Variants in EZH2 observed in about 807,000 individuals in gnomAD.
EZH2 encodes enhancer of zeste 2 polycomb repressive complex 2 subunit.
A neutral mutation model predicts 98.4 loss-of-function variants in EZH2; 18 were observed. The ratio of observed to expected loss-of-function variants is 0.18; its 90% confidence interval spans 0.13 to 0.27. EZH2 has a LOEUF of 0.27. Ranked by LOEUF, EZH2 falls within the 10% of genes least tolerant of loss-of-function variation. The pLI is 1.00. For synonymous variants in EZH2, 338 were observed against 312.3 expected (o/e 1.08, Z -0.87); for missense variants, 470 against 935.1 (o/e 0.50, Z 6.49).
chr7:148,834,386 T>C (rs1167911371), intron 3 of EZH2, among the ~76,000 whole-genome samples: 2 of 148,168 alleles, frequency 1.3e-5, no homozygotes, highest in East Asian at 3.9e-4. Context: ...CACACACATA[T>C]TAAATGTTTA....
intron 1 of EZH2, among the ~76,000 whole-genome samples, chr7:148,852,967 C>T (rs1210006569): frequency 2.0e-5 from 3 of 152,264 alleles, no homozygotes; most frequent in South Asian, 2.1e-4. Flanking sequence ...TATTACATAA[C>T]GTATACACAT....
In EZH2 at chr7:148,855,492, T is replaced by C. The variant is rs1317784374; in HGVS notation, c.-7-8187A>G. Among the ~76,000 whole-genome samples, 2 of 152,040 alleles carry C rather than the reference T, an allele frequency of 1.3e-5. 1 individual carries two copies. The highest frequency in any genetic ancestry group is 2.9e-5 in the Non-Finnish European group (2 of 67,986). On this transcript the variant is annotated intron_variant, in intron 1 of 19. Transcript: ENST00000320356. ...ACATCTTTGTGCCTCACTCTCCTCA[T>C]GAAAAAAGGCTAATTCAAGAGCCTC...
intron 3 of EZH2, among the ~76,000 whole-genome samples, chr7:148,838,618 T>C (rs891408140): frequency 4.6e-5 from 7 of 152,176 alleles, no homozygotes; most frequent in East Asian, 1.9e-4. Flanking sequence ...ATTTCTGTCA[T>C]TGGGGGAAAA....
At chr7:148,847,332 T>C (rs1814408738) in intron 1 of EZH2, 27 bp from the exon 2 acceptor site, 1 of 1,611,660 alleles carries the variant, frequency 6.2e-7, no homozygotes, top group East Asian at 2.2e-5. Context: ...CATATTAAAA[T>C]CACTAATCTA....
chr7:148,868,689 G>A (rs1818894287), intron 1 of EZH2, among the ~76,000 whole-genome samples: 2 of 152,044 alleles, frequency 1.3e-5, no homozygotes, highest in Admixed American at 6.6e-5. Flanking sequence ...TAGCCTCTAG[G>A]GTAGAAAAAC....
rs1318998160 is a variant in EZH2, at chr7:148,835,437, A to G, written c.247-2687T>C. ...AGACCCCGCCTCAAAAAAAAAAAAA[A>G]AAAGAAAATAGAGACATAATGTAAT... is the stretch of plus-strand genomic sequence containing the variant. On this transcript the variant is annotated intron_variant, in intron 3 of 19. Transcript: ENST00000320356. Among the ~76,000 whole-genome samples, 4 of 151,958 alleles carry G rather than the reference A, an allele frequency of 2.6e-5. 1 individual carries two copies. Among genetic ancestry groups the G allele is most frequent in the African/African-American group, 4.8e-5 (2 of 41,370 alleles).
intron 1 of EZH2, among the ~76,000 whole-genome samples, chr7:148,877,083 T>C (rs1820274802): frequency 6.6e-6 from 1 of 152,140 alleles, no homozygotes; most frequent in Non-Finnish European, 1.5e-5. Flanking sequence ...AAAACAGATC[T>C]TTGTATTGAC....
intron 11 of EZH2, 34 bp from the exon 12 acceptor site, chr7:148,816,812 C>T: frequency 6.5e-7 from 1 of 1,531,714 alleles, no homozygotes; most frequent in Non-Finnish European, 9.0e-7. Context: ...GCCATGAGGA[C>T]AGTCTTATTT....
chr7:148,810,319 G>A lies in EZH2; in HGVS notation c.2029+14C>T, dbSNP rs1802686181. 8 of 1,593,738 alleles carry A rather than the reference G, an allele frequency of 5.0e-6. No individual in the cohort carries two copies. Among genetic ancestry groups the A allele is most frequent in the Non-Finnish European group, 6.0e-6 (7 of 1,163,088 alleles). ...CAACTCAGGAACTCACTGCCTCCCA[G>A]CTCTGAAACATACCATTGTTCAAGT... On this transcript the variant is annotated intron_variant, in intron 17 of 19. Coordinates refer to ENST00000320356, the MANE Select transcript of EZH2 (RefSeq NM_004456.5).
At chr7:148,879,182 G>A (rs1337360687) in intron 1 of EZH2, among the ~76,000 whole-genome samples, 4 of 152,000 alleles carry the variant, frequency 2.6e-5, no homozygotes, top group South Asian at 4.2e-4. Context: ...CCGAGATCAC[G>A]CCACTGCACT....
intron 3 of EZH2, among the ~76,000 whole-genome samples, chr7:148,841,890 C>T (rs1038096312): frequency 2.6e-5 from 4 of 152,050 alleles, no homozygotes; most frequent in Non-Finnish European, 5.9e-5. Flanking sequence ...ATAGAAGCTT[C>T]TCCCCCCAAA....
intron 17 of EZH2, 162 bp downstream of exon 17, chr7:148,810,171 T>A (rs1802632860): frequency 4.0e-6 from 2 of 501,350 alleles, no homozygotes; most frequent in Admixed American, 3.0e-5. Context: ...CCTGAGGAAT[T>A]CCTTGCTCCA....
At chr7:148,810,009 T>C (rs1456887700) in intron 17 of EZH2, among the ~76,000 whole-genome samples, 2 of 152,242 alleles carry the variant, frequency 1.3e-5, no homozygotes, top group Non-Finnish European at 2.9e-5. Flanking sequence ...AGGCACTGAC[T>C]GGAGGAGGTG....
intron 1 of EZH2, among the ~76,000 whole-genome samples, chr7:148,862,705 A>G (rs1006083763): frequency 1.5e-4 from 23 of 152,214 alleles, no homozygotes; most frequent in African/African-American, 5.5e-4. Context: ...CACTTTACAC[A>G]CATTCCCATC....
intron 18 of EZH2, 45 bp from the exon 19 acceptor site, chr7:148,809,200 C>T (rs752277129): frequency 5.4e-5 from 86 of 1,595,444 alleles, no homozygotes; most frequent in Non-Finnish European, 6.4e-5. Flanking sequence ...AGACGGGCCA[C>T]GGGGGGTTAA....
chr7:148,828,205 C>T (rs978172654), intron 6 of EZH2, among the ~76,000 whole-genome samples: 2 of 152,136 alleles, frequency 1.3e-5, no homozygotes, highest in African/African-American at 2.4e-5. Flanking sequence ...GTGATTAGTA[C>T]ACAACTTGTA....
chr7:148,860,067 T>C (rs76340634), intron 1 of EZH2, among the ~76,000 whole-genome samples: 7 of 152,350 alleles, frequency 4.6e-5, no homozygotes, highest in African/African-American at 1.2e-4. Context: ...AGCTCTAACA[T>C]TGACTATTTG....
At chr7:148,807,813 T>TA in intron 19 of EZH2, 107 bp from the exon 20 acceptor site, 6 of 438,912 alleles carry the variant, frequency 1.4e-5, no homozygotes, top group South Asian at 6.8e-5. Flanking sequence ...TAAAATGTCT[T>TA]TAAAAAAAAA....
chr7:148,811,818 A>C, intron 15 of EZH2, 98 bp from the exon 16 acceptor site: 1 of 1,020,804 alleles, frequency 9.8e-7, no homozygotes, highest in South Asian at 1.4e-5. Context: ...TATCACTGTA[A>C]ATCCTCAGAC....
Sources: allele counts gnomAD v4.1 joint callset (sites outside exome capture counted in the v4.1 genomes callset), GRCh38; gene constraint gnomAD v4.1.1; transcripts MANE v1.5; gene names NCBI Gene and HGNC (gene_info 2026-07-23, HGNC 2026-07-21).